The following PRICKLE1 variants were observed in gnomAD, a reference collection of about 807,000 sequenced individuals.
PRICKLE1 encodes prickle planar cell polarity protein 1.
PRICKLE1 carries 14 observed loss-of-function variants against 70.2 expected under a neutral mutation model. The observed-to-expected ratio is 0.20, with a 90% CI of 0.13 to 0.31. The LOEUF is 0.31. Ranked by LOEUF, PRICKLE1 falls within the 10% of genes least tolerant of loss-of-function variation. The pLI is 1.00. For synonymous variants in PRICKLE1, 357 were observed against 379.9 expected (o/e 0.94, Z 0.70); for missense variants, 821 against 1,026.2 (o/e 0.80, Z 2.73).
At chr12:42,531,484 C>T (rs749542923) in intron 1 of PRICKLE1, among the ~76,000 whole-genome samples, 25 of 152,150 alleles carry the variant, frequency 1.6e-4, no homozygotes, top group Non-Finnish European at 3.5e-4. Context: ...TTTCCTCCAT[C>T]GTAGTATTAC....
intron 1 of PRICKLE1, among the ~76,000 whole-genome samples, chr12:42,542,296 T>A (rs576547957): frequency 6.6e-6 from 1 of 152,024 alleles, no homozygotes; most frequent in Admixed American, 6.6e-5. Context: ...TTTTATATGA[T>A]TTTTTTTCAT....
intron 1 of PRICKLE1, among the ~76,000 whole-genome samples, chr12:42,572,942 A>C (rs1221921147): frequency 6.6e-6 from 1 of 152,184 alleles, no homozygotes; most frequent in Non-Finnish European, 1.5e-5. Flanking sequence ...TAGGTCACCC[A>C]TGCAGAGCAT....
intron 1 of PRICKLE1, among the ~76,000 whole-genome samples, chr12:42,567,665 T>C (rs1284190111): frequency 6.6e-6 from 1 of 151,918 alleles, no homozygotes; most frequent in African/African-American, 2.4e-5. Flanking sequence ...CCGTCTCTAC[T>C]AAAAATACAA....
chr12:42,546,432 A>G (rs1302691972), intron 1 of PRICKLE1, among the ~76,000 whole-genome samples: 2 of 152,226 alleles, frequency 1.3e-5, no homozygotes, highest in African/African-American at 2.4e-5. Context: ...TCCAGCTTTC[A>G]GGGATATTTG....
chr12:42,490,562 A>G (rs1939081005), intron 1 of PRICKLE1, among the ~76,000 whole-genome samples: 1 of 152,212 alleles, frequency 6.6e-6, no homozygotes, highest in African/African-American at 2.4e-5. Context: ...CCAGATGGCA[A>G]GAGTCTCAAA....
chr12:42,533,145 A>G (rs1342267772), intron 1 of PRICKLE1, among the ~76,000 whole-genome samples: 2 of 152,020 alleles, frequency 1.3e-5, no homozygotes, highest in Non-Finnish European at 2.9e-5. Flanking sequence ...TGAATAAGAG[A>G]AAAAAACCTA....
intron 1 of PRICKLE1, among the ~76,000 whole-genome samples, chr12:42,484,821 A>G (rs184760795): frequency 1.6e-4 from 25 of 152,320 alleles, no homozygotes; most frequent in African/African-American, 5.3e-4. Flanking sequence ...CAAGCCCAGA[A>G]AAAAAATGAT....
chr12:42,479,175 G>A (rs1320357027), intron 1 of PRICKLE1, among the ~76,000 whole-genome samples: 1 of 152,158 alleles, frequency 6.6e-6, no homozygotes, highest in Non-Finnish European at 1.5e-5. Context: ...GCTTCCACTG[G>A]GACTAAACAG....
chr12:42,532,516 T>C (rs1939937087), intron 1 of PRICKLE1, among the ~76,000 whole-genome samples: 2 of 152,230 alleles, frequency 1.3e-5, no homozygotes, highest in African/African-American at 4.8e-5. Flanking sequence ...TTCGTTAATA[T>C]ATTTTATTTA....
At chr12:42,502,083 T>C (rs1939321062) in intron 1 of PRICKLE1, among the ~76,000 whole-genome samples, 1 of 151,966 alleles carries the variant, frequency 6.6e-6, no homozygotes, top group Middle Eastern at 3.2e-3. Flanking sequence ...TAGTTTTCTG[T>C]TTGTGTTTTG....
chr12:42,578,222 A>C (rs548286489), intron 1 of PRICKLE1, among the ~76,000 whole-genome samples: 1 of 152,168 alleles, frequency 6.6e-6, no homozygotes. Flanking sequence ...TAATAATTTC[A>C]AGCAACTAGG....
intron 1 of PRICKLE1, among the ~76,000 whole-genome samples, chr12:42,536,401 A>G (rs981015104): frequency 1.3e-5 from 2 of 152,144 alleles, no homozygotes; most frequent in Non-Finnish European, 2.9e-5. Flanking sequence ...CCACCCCTAG[A>G]TCCTCCAGCT....
At position 42,518,776 on chromosome 12, in the gene PRICKLE1, T is replaced by C. The variant is rs1210222414; in HGVS notation, c.-48-46212A>G. On this transcript the variant is annotated intron_variant, in intron 1 of 7. Coordinates refer to ENST00000345127, the MANE Select transcript of PRICKLE1 (RefSeq NM_153026.3). The stretch of plus-strand genomic sequence containing the variant: ...AAATTTATTTGGCAATACCTACTGA[T>C]TGGTGCAGGAGTAATACAGCTTATA... Among the ~76,000 whole-genome samples the C allele has an allele frequency of 2.0e-5, 3 of 152,324 alleles. No individual in the cohort carries two copies. In the East Asian group the frequency reaches 5.8e-4, roughly 29 times the overall value.
At chr12:42,513,144 T>C (rs1311389799) in intron 1 of PRICKLE1, among the ~76,000 whole-genome samples, 1 of 152,098 alleles carries the variant, frequency 6.6e-6, no homozygotes, top group African/African-American at 2.4e-5. Context: ...GTATTTTTAG[T>C]AGAAAGGGGG....
At position 42,508,277 on chromosome 12, in the gene PRICKLE1, C is replaced by T. The variant is rs115233514; in HGVS notation, c.-48-35713G>A. Among the ~76,000 whole-genome samples the T allele has an allele frequency of 4.0e-3, 604 of 152,282 alleles. 3 individuals are homozygous for T. The highest frequency in any genetic ancestry group is 0.014 in the African/African-American group (565 of 41,556). ...CAAGGCACTAGGAGCTTTATTATAT[C>T]GGCAATAACCTTAGCACAACATCCC... On this transcript the variant is annotated intron_variant, in intron 1 of 7. Coordinates refer to ENST00000345127, the MANE Select transcript of PRICKLE1 (RefSeq NM_153026.3).
At position 42,463,163 on chromosome 12, in the gene PRICKLE1, C is replaced by T. The variant is rs938046550; in HGVS notation, c.1639+1232G>A. On this transcript the variant is annotated intron_variant, in intron 7 of 7. Coordinates refer to ENST00000345127, the MANE Select transcript of PRICKLE1 (RefSeq NM_153026.3). ...AAAATTAGCTGGGCGTGGTGGCAGG[C>T]GCCTATAATCCCAGCTACTCATGAG... 8.6e-5 allele frequency among the ~76,000 whole-genome samples: 13 copies of T among 151,314 alleles called. No homozygotes were observed. In the South Asian group the frequency reaches 1.0e-3, roughly 12 times the overall value.
intron 1 of PRICKLE1, among the ~76,000 whole-genome samples, chr12:42,487,200 A>C (rs1362966902): frequency 6.6e-6 from 1 of 152,158 alleles, no homozygotes; most frequent in Non-Finnish European, 1.5e-5. Flanking sequence ...CTTTCTTGTC[A>C]ATTTTAAACA....
intron 1 of PRICKLE1, among the ~76,000 whole-genome samples, chr12:42,500,330 C>G (rs1465166088): frequency 6.6e-6 from 1 of 152,194 alleles, no homozygotes; most frequent in Non-Finnish European, 1.5e-5. Context: ...TACAACAAAA[C>G]TAGCCTGTAT....
intron 1 of PRICKLE1, among the ~76,000 whole-genome samples, chr12:42,567,889 C>T (rs1940648834): frequency 6.6e-6 from 1 of 151,600 alleles, no homozygotes; most frequent in Non-Finnish European, 1.5e-5. Flanking sequence ...TACATACACA[C>T]AGATGAAGAA....
Sources: gnomAD v4.1 joint callset for allele counts (sites outside exome capture counted in the v4.1 genomes callset) on GRCh38, gnomAD v4.1.1 for gene constraint, MANE v1.5 for transcripts, NCBI Gene and HGNC (gene_info 2026-07-23, HGNC 2026-07-21) for gene names.